KCNH5: variants seen among roughly 807,000 people sequenced by gnomAD.
KCNH5 encodes the protein potassium voltage-gated channel subfamily H member 5, also known as voltage-gated delayed rectifier potassium channel KCNH5.
KCNH5 carries 46 observed loss-of-function variants against 96.1 expected under a neutral mutation model. The observed-to-expected ratio is 0.48, with a 90% confidence interval of 0.38 to 0.61. The LOEUF is 0.61. KCNH5 is among the 20% of genes least tolerant of loss of function. The pLI is 0.00. For synonymous variants in KCNH5, 439 were observed against 449.8 expected (o/e 0.98, Z 0.30); for missense variants, 907 against 1,225.8 (o/e 0.74, Z 3.88).
chr14:62,928,336 CTCAT>C (rs1225925352), intron 7 of KCNH5, among the ~76,000 whole-genome samples: 4 of 152,070 alleles, frequency 2.6e-5, no homozygotes, highest in African/African-American at 9.7e-5. Flanking sequence ...AGACTGGATG[CTCAT>C]TCAGTTAGGT....
chr14:62,960,124 A>T (rs1291927128), intron 6 of KCNH5, among the ~76,000 whole-genome samples: 1 of 152,170 alleles, frequency 6.6e-6, no homozygotes, highest in Admixed American at 6.6e-5. Flanking sequence ...CACAGGGATT[A>T]TGCACTTGCT....
chr14:62,853,460 T>TATATATATC (rs1555360142), intron 7 of KCNH5, among the ~76,000 whole-genome samples: 6 of 89,576 alleles, frequency 6.7e-5, no homozygotes, highest in African/African-American at 2.0e-4. Flanking sequence ...AATAATCATA[T>TATATATATC]ATATATATAT....
chr14:62,796,799 G>A (rs1886551268), intron 9 of KCNH5, among the ~76,000 whole-genome samples: 4 of 152,164 alleles, frequency 2.6e-5, no homozygotes, highest in Admixed American at 2.6e-4. Context: ...ATCAATATAT[G>A]TAAGAAGTAC....
chr14:63,044,966 C>T (rs867983138), intron 1 of KCNH5, 148 bp downstream of exon 1: 28 of 673,466 alleles, frequency 4.2e-5, no homozygotes, highest in Middle Eastern at 8.1e-4. Context: ...CCACCCCACC[C>T]CAAATCCAGC....
In KCNH5 at chr14:62,792,805, A is replaced by G. The variant is rs574153543; in HGVS notation, c.1822+9524T>C. On this transcript the variant is annotated intron_variant, in intron 9 of 10. Coordinates refer to ENST00000322893, the MANE Select transcript of KCNH5 (RefSeq NM_139318.5). ...TAATCTGACTTCTGAGTATGTATCCAAAAGTATTGAAATCAAAATCTCAAA... is the reference window on the plus strand; with the variant it reads ...TAATCTGACTTCTGAGTATGTATCCGAAAGTATTGAAATCAAAATCTCAAA... Among the ~76,000 whole-genome samples, 8 of 151,890 alleles carry G rather than the reference A, an allele frequency of 5.3e-5. No individual in the cohort carries two copies. The South Asian group carries it at 1.7e-3, about 31-fold the overall frequency.
chr14:62,788,237 A>T (rs1400030949), intron 9 of KCNH5, among the ~76,000 whole-genome samples: 1 of 152,174 alleles, frequency 6.6e-6, no homozygotes, highest in African/African-American at 2.4e-5. Flanking sequence ...GATGACTTTG[A>T]GAGCTACAGA....
intron 10 of KCNH5, among the ~76,000 whole-genome samples, chr14:62,710,208 C>A (rs1884539490): frequency 6.6e-6 from 1 of 152,190 alleles, no homozygotes; most frequent in Non-Finnish European, 1.5e-5. Context: ...AGTACATTTT[C>A]TAAAATGAGA....
chr14:62,787,901 C>T (rs1272934060), intron 9 of KCNH5, among the ~76,000 whole-genome samples: 1 of 152,186 alleles, frequency 6.6e-6, no homozygotes, highest in Non-Finnish European at 1.5e-5. Flanking sequence ...ATTGACAATG[C>T]ATCTGGTCAC....
rs539659541 is a variant in KCNH5 at position 62,825,197 on chromosome 14, G to A, written c.1570-22616C>T. On this transcript the variant is annotated intron_variant, in intron 8 of 10. Transcript: ENST00000322893. The stretch of plus-strand genomic sequence containing the variant: ...AGAAATCTCCAAACTCCTTTCTACA[G>A]TGGTTGAACTAATTTACGTTCCCAC... Among the ~76,000 whole-genome samples the A allele has an allele frequency of 1.1e-4, 17 of 152,174 alleles. No individual in the cohort carries two copies. In the South Asian group the frequency reaches 3.5e-3, roughly 32 times the overall value.
chr14:62,886,815 T>C (rs1888607390), intron 7 of KCNH5, among the ~76,000 whole-genome samples: 2 of 152,280 alleles, frequency 1.3e-5, no homozygotes, highest in South Asian at 4.1e-4. Flanking sequence ...AATTACTGTA[T>C]CTTGATTTAA....
At chr14:62,854,027 A>AC (rs1887881777) in intron 7 of KCNH5, among the ~76,000 whole-genome samples, 1 of 129,004 alleles carries the variant, frequency 7.8e-6, no homozygotes, top group African/African-American at 2.7e-5. Context: ...AACAAAAAAA[A>AC]CAAAAAAAAC....
At chr14:62,918,783 A>C (rs1264560445) in intron 7 of KCNH5, among the ~76,000 whole-genome samples, 1 of 152,144 alleles carries the variant, frequency 6.6e-6, no homozygotes, top group Non-Finnish European at 1.5e-5. Context: ...TTAAGTCATT[A>C]CAGTCTTTCA....
Position 63,036,544 on chromosome 14 carries a change from C to T in KCNH5, c.73+8570G>A, listed in dbSNP as rs147832076. Among the ~76,000 whole-genome samples, 419 of 151,258 alleles carry T rather than the reference C, an allele frequency of 2.8e-3. 2 individuals carry two copies. Among genetic ancestry groups the T allele is most frequent in the African/African-American group, 9.7e-3 (400 of 41,168 alleles). On this transcript the variant is annotated intron_variant, in intron 1 of 10. Coordinates refer to ENST00000322893, the MANE Select transcript of KCNH5 (RefSeq NM_139318.5). Reference sequence around the variant, plus strand: ...ATCTGAGGCCAAAAGCAAATAAATTCTATTCTGCCTACACTGAGTTTTAGA... The same window carrying T: ...ATCTGAGGCCAAAAGCAAATAAATTTTATTCTGCCTACACTGAGTTTTAGA...
chr14:62,972,931 A>G (rs1890436283), intron 6 of KCNH5, among the ~76,000 whole-genome samples: 1 of 152,192 alleles, frequency 6.6e-6, no homozygotes, highest in African/African-American at 2.4e-5. Flanking sequence ...GTAATGGAGG[A>G]TACTTGTCAT....
At chr14:62,947,454 C>T (rs376435188) in intron 7 of KCNH5, among the ~76,000 whole-genome samples, 8 of 152,136 alleles carry the variant, frequency 5.3e-5, no homozygotes, top group African/African-American at 1.9e-4. Context: ...CCTCTAACTG[C>T]AAGCTCTAAC....
At chr14:62,881,807 G>A (rs1264466859) in intron 7 of KCNH5, among the ~76,000 whole-genome samples, 3 of 149,504 alleles carry the variant, frequency 2.0e-5, no homozygotes, top group African/African-American at 7.3e-5. Context: ...CACACTGCTA[G>A]TGAGTGATAA....
At chr14:62,823,266 C>T (rs1887151460) in intron 8 of KCNH5, among the ~76,000 whole-genome samples, 1 of 152,056 alleles carries the variant, frequency 6.6e-6, no homozygotes, top group Non-Finnish European at 1.5e-5. Flanking sequence ...TGATCTTATC[C>T]TACTCACTTC....
At chr14:62,979,228 C>T (rs986060562) in intron 6 of KCNH5, among the ~76,000 whole-genome samples, 2 of 151,936 alleles carry the variant, frequency 1.3e-5, no homozygotes, top group African/African-American at 4.8e-5. Context: ...TGCTTATTGT[C>T]CCCTATCATG....
intron 10 of KCNH5, among the ~76,000 whole-genome samples, chr14:62,746,750 AC>A (rs1885383652): frequency 6.6e-6 from 1 of 152,250 alleles, no homozygotes; most frequent in Non-Finnish European, 1.5e-5. Context: ...AAAATGAGCA[AC>A]TTTTCTTGAA....
Sources: allele counts gnomAD v4.1 joint callset (sites outside exome capture counted in the v4.1 genomes callset), GRCh38; gene constraint gnomAD v4.1.1; transcripts MANE v1.5; gene names NCBI Gene and HGNC (gene_info 2026-07-23, HGNC 2026-07-21).